The following NAV3 variants were observed in gnomAD, a reference collection of about 807,000 sequenced individuals.
The protein encoded by NAV3 is pore membrane and/or filament interacting like protein 1.
A neutral mutation model predicts 244.7 loss-of-function variants in NAV3; 87 were observed. That is an observed-to-expected ratio of 0.36 (90% CI 0.30 to 0.42). NAV3 has a LOEUF of 0.42. NAV3 is among the 20% of genes least tolerant of loss of function. The pLI is 1.00. For missense variants in NAV3, 2,663 were observed against 2,893.3 expected (o/e 0.92, Z 1.83); for synonymous variants, 1,126 against 1,042.2 (o/e 1.08, Z -1.55).
chr12:78,197,467 A>G (rs2139985369), intron 35 of NAV3, 66 bp downstream of exon 35: 1 of 1,254,942 alleles, frequency 8.0e-7, no homozygotes, highest in South Asian at 1.7e-5. Flanking sequence ...GCCTTCTTGT[A>G]CCTGTATGCA....
At chr12:78,077,647 A>T (rs1953118909) in intron 12 of NAV3, among the ~76,000 whole-genome samples, 1 of 152,134 alleles carries the variant, frequency 6.6e-6, no homozygotes, top group Admixed American at 6.5e-5. Flanking sequence ...TAAGCAACAG[A>T]AACATATTGT....
rs1892726671 is a variant in NAV3 at position 77,968,707 on chromosome 12, G to A, written c.671+5G>A. 6.2e-7 allele frequency: 1 copy of A among 1,609,684 alleles called. No individual in the cohort carries two copies. Among genetic ancestry groups the A allele is most frequent in the Non-Finnish European group, 8.5e-7 (1 of 1,177,220 alleles). ...CCAGCAAGATATGCAGTCCAGGTAA[G>A]GAAAGGAAGTAGGGAATGTGTTTCC... On this transcript the variant is annotated splice_donor_5th_base_variant and intron_variant, in intron 5 of 39. Coordinates refer to ENST00000397909, the MANE Select transcript of NAV3 (RefSeq NM_001024383.2).
chr12:78,007,471 G>C (rs200521279), intron 8 of NAV3, 26 bp downstream of exon 8: 5 of 1,597,176 alleles, frequency 3.1e-6, no homozygotes, highest in Non-Finnish European at 4.3e-6. Flanking sequence ...TTTATCCACA[G>C]TTGTAAATAT....
chr12:77,826,931 G>A (rs1053909050), upstream of NAV3, among the ~76,000 whole-genome samples: 21 of 152,096 alleles, frequency 1.4e-4, no homozygotes, highest in African/African-American at 4.6e-4. Context: ...GTTAAAAATA[G>A]GAATGTGAGA....
intron 18 of NAV3, among the ~76,000 whole-genome samples, chr12:78,131,602 G>A (rs1048324265): frequency 5.3e-5 from 8 of 152,018 alleles, no homozygotes; most frequent in African/African-American, 1.9e-4. Context: ...TTGATTAGTT[G>A]ACTCCTTCTT....
chr12:77,639,275 G>A (rs1872291221), intron 2 of NAV3, among the ~76,000 whole-genome samples: 1 of 152,118 alleles, frequency 6.6e-6, no homozygotes, highest in Non-Finnish European at 1.5e-5. Context: ...AATTTAGTCA[G>A]GTGTACTTGT....
chr12:77,572,712 G>A (rs1192426229), intron 2 of NAV3, among the ~76,000 whole-genome samples: 1 of 152,156 alleles, frequency 6.6e-6, no homozygotes, highest in South Asian at 2.1e-4. Context: ...CATCAACTTA[G>A]GCCTTCTGAA....
rs368430955 is a variant in NAV3, at chr12:77,725,841, G to A, written c.72+153575G>A. On this transcript the variant is annotated intron_variant, in intron 2 of 8. Transcript: ENST00000550042. ...CATTCCTTCTGGAAGATCTGTGGGC[G>A]AATCCATTTCATTGCTGTTTCTAGC... Among the ~76,000 whole-genome samples the A allele has an allele frequency of 7.9e-5, 12 of 151,988 alleles. No individual in the cohort carries two copies. The East Asian group carries it at 2.3e-3, about 29-fold the overall frequency.
chr12:77,791,963 G>A (rs763744263), intron 2 of NAV3, among the ~76,000 whole-genome samples: 22 of 152,168 alleles, frequency 1.4e-4, no homozygotes, highest in Non-Finnish European at 2.8e-4. Context: ...GAGCATCCAT[G>A]GCTTTGGTAT....
upstream of NAV3, among the ~76,000 whole-genome samples, chr12:77,826,831 T>C (rs1047368942): frequency 2.0e-5 from 3 of 152,194 alleles, no homozygotes; most frequent in African/African-American, 7.2e-5. Context: ...GGGAATATTC[T>C]ACATCTTGAT....
At chr12:78,191,614 C>T (rs1958985746) in intron 34 of NAV3, among the ~76,000 whole-genome samples, 1 of 152,094 alleles carries the variant, frequency 6.6e-6, no homozygotes, top group Admixed American at 6.6e-5. Flanking sequence ...GTGGTTGAAC[C>T]ACCATCTAAA....
intron 2 of NAV3, among the ~76,000 whole-genome samples, chr12:77,702,064 C>T (rs938328839): frequency 1.3e-5 from 2 of 151,854 alleles, no homozygotes; most frequent in Admixed American, 6.6e-5. Context: ...ATATTAATAT[C>T]TCCAATGATA....
upstream of NAV3, among the ~76,000 whole-genome samples, chr12:77,828,696 T>G (rs896655243): frequency 1.3e-5 from 2 of 152,196 alleles, no homozygotes; most frequent in African/African-American, 4.8e-5. Context: ...GTGGTAGATA[T>G]TACTGCAAAA....
intron 5 of NAV3, among the ~76,000 whole-genome samples, chr12:77,989,524 A>G (rs1398237208): frequency 6.6e-6 from 1 of 152,204 alleles, no homozygotes; most frequent in Non-Finnish European, 1.5e-5. Context: ...TTCTTGATCT[A>G]TAAACATCTG....
rs1892966337 is a variant in NAV3, at chr12:77,971,143, A to T, written c.671+2441A>T. Among the ~76,000 whole-genome samples the T allele has an allele frequency of 4.6e-5, 7 of 152,096 alleles. 1 individual carries two copies. In the South Asian group the frequency reaches 1.4e-3, roughly 31 times the overall value. On this transcript the variant is annotated intron_variant, in intron 5 of 39. Coordinates refer to ENST00000397909, the MANE Select transcript of NAV3 (RefSeq NM_001024383.2). ...GGTAGTTTAAAATATAAAGCCATGT[A>T]TAATACTCATGGTTTTTATACTCTT... is the stretch of plus-strand genomic sequence containing the variant.
At chr12:77,620,953 A>T (rs1211463516) in intron 2 of NAV3, among the ~76,000 whole-genome samples, 1 of 152,220 alleles carries the variant, frequency 6.6e-6, no homozygotes, top group African/African-American at 2.4e-5. Flanking sequence ...TTGTGGTAAA[A>T]ATTTGAAACA....
At chr12:77,866,689 T>C (rs1365449097) in intron 1 of NAV3, among the ~76,000 whole-genome samples, 1 of 152,218 alleles carries the variant, frequency 6.6e-6, no homozygotes, top group Non-Finnish European at 1.5e-5. Context: ...GTTTGAAGCA[T>C]GAATGAATGG....
At chr12:78,175,549 C>A in intron 25 of NAV3, 122 bp downstream of exon 25, 1 of 1,262,926 alleles carries the variant, frequency 7.9e-7, no homozygotes, top group East Asian at 2.5e-5. Flanking sequence ...CTACTGAGAC[C>A]TCAAATGCTG....
At chr12:78,056,025 G>A (rs1221997216) in intron 11 of NAV3, among the ~76,000 whole-genome samples, 1 of 152,120 alleles carries the variant, frequency 6.6e-6, no homozygotes, top group East Asian at 1.9e-4. Flanking sequence ...TCACAAATGA[G>A]TCCATTTAAA....
Sources: gnomAD v4.1 joint callset for allele counts (sites outside exome capture counted in the v4.1 genomes callset) on GRCh38, gnomAD v4.1.1 for gene constraint, MANE v1.5 for transcripts, NCBI Gene and HGNC (gene_info 2026-07-23, HGNC 2026-07-21) for gene names.